Variants in MAPK3 observed in about 807,000 individuals in gnomAD.
MAPK3 encodes the protein MAPK 1.
Under a neutral mutation model 41.8 loss-of-function variants are expected in MAPK3, and 30 were observed. That is an observed-to-expected ratio of 0.72 (90% CI 0.54 to 0.97). MAPK3 has a LOEUF of 0.97. Among genes scored for constraint, MAPK3 ranks in the 50% least tolerant of loss-of-function variants. The pLI, the probability that MAPK3 is intolerant of heterozygous loss-of-function variation, is 0.00. For synonymous variants in MAPK3, 222 were observed against 213.4 expected (o/e 1.04, Z -0.35); for missense variants, 413 against 509.9 (o/e 0.81, Z 1.83).
At chr16:30,116,539 G>A in intron 8 of MAPK3, 97 bp downstream of exon 8, 2 of 1,322,046 alleles carry the variant, frequency 1.5e-6, no homozygotes, top group Non-Finnish European at 2.1e-6. Context: ...TAAGCTTGCT[G>A]CTGTATGGAG....
At chr16:30,115,073 CAAAAAAAA>C (rs35952168) in intron 8 of MAPK3, among the ~76,000 whole-genome samples, 1 of 65,526 alleles carries the variant, frequency 1.5e-5, no homozygotes, top group African/African-American at 5.2e-5. Context: ...CCCAGCTCCA[CAAAAAAAA>C]AAAAAAAAAA....
At chr16:30,116,854 C>G (rs1355153227) in intron 7 of MAPK3, 40 bp downstream of exon 7, 1 of 1,613,406 alleles carries the variant, frequency 6.2e-7, no homozygotes, top group South Asian at 1.1e-5. Context: ...CCCCCCTGCT[C>G]CCCTGCCCCC....
rs2151048599 is a variant in MAPK3 at position 30,123,028 on chromosome 16, A to G, written c.170+12T>C. ...CCCTGAGGGCACCCCCTCCCCCGGA[A>G]CGCCCCCTCACCTGACCATGCCGTA... On this transcript the variant is annotated intron_variant, in intron 1 of 8. Transcript: ENST00000263025. The G allele has an allele frequency of 7.4e-7, 1 of 1,350,372 alleles. No individual in the cohort carries two copies. The allele number at this position is 1,350,372 out of a possible 1,614,324, so 83.6% of individuals were successfully genotyped here. A position where few individuals can be genotyped will look rare whatever the true frequency, so the allele number is the denominator to read the frequency against.
intron 1 of MAPK3, 125 bp from the exon 2 acceptor site, chr16:30,122,131 A>C: frequency 1.1e-6 from 1 of 875,660 alleles, no homozygotes. Flanking sequence ...AATCATAAAC[A>C]ATGCTGGTTC....
At chr16:30,119,567 G>A (rs1340157647) in intron 2 of MAPK3, among the ~76,000 whole-genome samples, 1 of 152,158 alleles carries the variant, frequency 6.6e-6, no homozygotes, top group African/African-American at 2.4e-5. Context: ...TAATATGAAT[G>A]CCTGAGTCAC....
intron 8 of MAPK3, among the ~76,000 whole-genome samples, chr16:30,116,358 T>C (rs2034573091): frequency 6.6e-6 from 1 of 150,716 alleles, no homozygotes; most frequent in Admixed American, 6.6e-5. Context: ...ATTTTTAGTA[T>C]AGATGGGATT....
chr16:30,120,303 C>G (rs1014971024), intron 2 of MAPK3, among the ~76,000 whole-genome samples: 1 of 152,004 alleles, frequency 6.6e-6, no homozygotes, highest in African/African-American at 2.4e-5. Flanking sequence ...GATCACACAG[C>G]GAGCTGGGGG....
rs2151044835 is a variant in MAPK3, at chr16:30,116,918, C to A, written c.993G>T (p.Glu331Asp). Residue 331 changes from glutamate (E) to aspartate (D), a missense_variant, in exon 7 of 9, where the codon GAG (glutamate) becomes GAT (aspartate). Transcript: ENST00000263025. ...CCTCATCCGTCGGGTCATAGTACTG[C>A]TCCAGGTAGGGGTGAGCCAGCGCTT... is the stretch of plus-strand genomic sequence containing the variant. Reference protein sequence around the residue: ...VEEALAHPYLEQYYDPTDEPV... With the variant: ...VEEALAHPYLDQYYDPTDEPV... 1 of 1,613,968 alleles carries A rather than the reference C, an allele frequency of 6.2e-7. No individual in the cohort carries two copies. The highest frequency in any genetic ancestry group is 8.5e-7 in the Non-Finnish European group (1 of 1,179,942).
Position 30,117,710 on chromosome 16 carries a change from G to A in MAPK3, c.735C>T (p.Phe245=), listed in dbSNP as rs1352507740. Residue 245 remains phenylalanine, a synonymous_variant, in exon 5 of 9, where the codon TTC becomes TTT. Coordinates refer to ENST00000263025, the MANE Select transcript of MAPK3 (RefSeq NM_002746.3). ...LAEMLSNRPI[F]PGKHYLDQLN... is the part of the protein sequence containing the mutation. ...GCTGATCCAGGTAGTGCTTGCCAGG[G>A]AAGATGGGCCGGTTAGAGAGCATCT... 1 of 1,614,106 alleles carries A rather than the reference G, an allele frequency of 6.2e-7. No homozygotes were observed. Among genetic ancestry groups the A allele is most frequent in the South Asian group, 1.1e-5 (1 of 91,084 alleles).
chr16:30,119,008 G>A (rs957145786), intron 2 of MAPK3, among the ~76,000 whole-genome samples: 3 of 152,122 alleles, frequency 2.0e-5, no homozygotes, highest in Middle Eastern at 3.4e-3. Context: ...TGGGCACGGC[G>A]GCATGTGCCT....
rs1007808859 is a variant in MAPK3 at position 30,117,138 on chromosome 16, CTCA to C, written c.907+13_907+15del. 1 of 1,613,924 alleles carries C rather than the reference CTCA, an allele frequency of 6.2e-7. No individual in the cohort carries two copies. The highest frequency in any genetic ancestry group is 8.5e-7 in the Non-Finnish European group (1 of 1,179,972). ...ACCCAAGGTTTATCCCACACCCACC[CTCA>C]TGTCTCTCGAACCTTTGGAGTCTGA... On this transcript the variant is annotated intron_variant, in intron 6 of 8. Coordinates refer to ENST00000263025, the MANE Select transcript of MAPK3 (RefSeq NM_002746.3).
rs1164014943 is a variant in MAPK3 at position 30,116,834 on chromosome 16, T to A, written c.1018-44A>T. ...CAAGGCTCAGGCCTGGCATGGGGGA[T>A]GCCTACGTGCCCCCCTGCTCCCCTG... On this transcript the variant is annotated intron_variant, in intron 7 of 8. Coordinates refer to ENST00000263025, the MANE Select transcript of MAPK3 (RefSeq NM_002746.3). The A allele has an allele frequency of 4.3e-6, 7 of 1,613,398 alleles. 1 individual carries two copies. The highest frequency in any genetic ancestry group is 1.7e-4 in the Middle Eastern group (1 of 6,060).
chr16:30,117,099 A>G (rs373262190), intron 6 of MAPK3, 55 bp downstream of exon 6: 4 of 1,607,792 alleles, frequency 2.5e-6, no homozygotes, highest in East Asian at 4.5e-5. Context: ...CTGGGCTCAC[A>G]CACCCTCCAC....
rs763510459 is a variant in MAPK3, at chr16:30,123,063, G to A, written c.147C>T (p.Gly49=). The A allele has an allele frequency of 6.6e-7, 1 of 1,508,652 alleles. No individual in the cohort carries two copies. Among genetic ancestry groups the A allele is most frequent in the South Asian group, 1.2e-5 (1 of 85,110 alleles). 93.5% of individuals were successfully genotyped at this position (1,508,652 alleles called of 1,614,324 possible). Residue 49 remains glycine, a synonymous_variant, in exon 1 of 9, where the codon GGC becomes GGT. Coordinates refer to ENST00000263025, the MANE Select transcript of MAPK3 (RefSeq NM_002746.3). ...ACCTGACCATGCCGTACGCGCCCTC[G>A]CCGATGTACTGCAACTGCGTGTAGC... ...GPRYTQLQYI[G]EGAYGMVSSA... is the part of the protein sequence containing the mutation.
At chr16:30,118,010 T>C (rs2072975742) in intron 4 of MAPK3, 37 bp downstream of exon 4, 3 of 1,568,142 alleles carry the variant, frequency 1.9e-6, no homozygotes, top group Non-Finnish European at 2.6e-6. Context: ...TCCTGGGAAC[T>C]GGTCCGTTCC....
Position 30,116,680 on chromosome 16 carries a change from C to T in MAPK3, c.1128G>A (p.Leu376=). Residue 376 remains leucine, a synonymous_variant, in exon 8 of 9, where the codon CTG becomes CTA. Transcript: ENST00000263025. ...ATGTCTGTCTGGGCTAGGGGGCCTC[C>T]AGCACTCCGGGCTGGAAGCGTGCTG... ...QETARFQPGV[L]EAP 1 of 1,613,526 alleles carries T rather than the reference C, an allele frequency of 6.2e-7. No individual in the cohort carries two copies. Among genetic ancestry groups the T allele is most frequent in the Non-Finnish European group, 8.5e-7 (1 of 1,179,978 alleles).
In MAPK3 at chr16:30,118,374, A is replaced by G. The variant is rs1252612325; in HGVS notation, c.518T>C (p.Leu173Pro). Residue 173 changes from leucine (L) to proline (P), a missense_variant, in exon 3 of 9, where the codon CTC becomes CCC. Physicochemically the swap from Leu to Pro is moderately conservative, Grantham distance 98. Around this residue, in one of 4 missense-constraint regions of MAPK3, gnomAD observed 140 missense variants for 206.0 expected, o/e 0.68. Coordinates refer to ENST00000263025, the MANE Select transcript of MAPK3 (RefSeq NM_002746.3). ...LHRDLKPSNLLINTTCDLKIC... is the reference protein window; with the variant it reads ...LHRDLKPSNLPINTTCDLKIC... Reference sequence around the variant, plus strand: ...CTTAAGGTCGCAGGTGGTGTTGATGAGCAGGTTGGAGGGCTTTAGATCTCG... The same window carrying G: ...CTTAAGGTCGCAGGTGGTGTTGATGGGCAGGTTGGAGGGCTTTAGATCTCG... 6.2e-7 allele frequency: 1 copy of G among 1,612,414 alleles called. No individual in the cohort carries two copies. Among genetic ancestry groups the G allele is most frequent in the Non-Finnish European group, 8.5e-7 (1 of 1,179,178 alleles).
Position 30,123,025 on chromosome 16 carries a change from G to A in MAPK3, c.170+15C>T. 6.3e-6 allele frequency: 3 copies of A among 475,090 alleles called. No homozygotes were observed. The highest frequency in any genetic ancestry group is 6.1e-5 in the Admixed American group (1 of 16,362). The allele number at this position is 475,090 out of a possible 1,614,324, so 29.4% of individuals were successfully genotyped here. On this transcript the variant is annotated intron_variant, in intron 1 of 8. Transcript: ENST00000263025. Reference sequence around the variant, plus strand: ...CTCCCCTGAGGGCACCCCCTCCCCCGGAACGCCCCCTCACCTGACCATGCC... The same window carrying A: ...CTCCCCTGAGGGCACCCCCTCCCCCAGAACGCCCCCTCACCTGACCATGCC...
chr16:30,117,607 C>T (rs1248240046), intron 5 of MAPK3, 63 bp downstream of exon 5: 4 of 1,330,004 alleles, frequency 3.0e-6, no homozygotes, highest in Non-Finnish European at 4.3e-6. Context: ...GACTTGGACT[C>T]TCGAGAAATC....
Sources: gnomAD v4.1 joint callset for allele counts (sites outside exome capture counted in the v4.1 genomes callset) on GRCh38, gnomAD v4.1.1 for gene constraint, gnomAD v4.1.1 regional missense constraint, MANE v1.5 for transcripts, NCBI Gene and HGNC (gene_info 2026-07-23, HGNC 2026-07-21) for gene names.